The following ERC2 variants were observed in gnomAD, a reference collection of about 807,000 sequenced individuals.
ERC2 encodes the protein ELKS/RAB6-interacting/CAST family member 2.
In ERC2, 42 loss-of-function variants were observed where a neutral mutation model predicts 114.8. The ratio of observed to expected loss-of-function variants is 0.37; its 90% CI spans 0.29 to 0.47. The LOEUF is 0.47. ERC2 is among the 20% of genes least tolerant of loss of function. ERC2 has a pLI of 0.99. For missense variants in ERC2, 939 were observed against 1,150.7 expected (o/e 0.82, Z 2.66); for synonymous variants, 454 against 425.5 (o/e 1.07, Z -0.82).
chr3:56,257,395 C>T (rs1313294833), intron 3 of ERC2, among the ~76,000 whole-genome samples: 1 of 152,196 alleles, frequency 6.6e-6, no homozygotes, highest in Non-Finnish European at 1.5e-5. Context: ...GGATGGCAAG[C>T]TTGAGAACCA....
intron 10 of ERC2, among the ~76,000 whole-genome samples, chr3:55,999,825 A>G (rs866040977): frequency 2.0e-5 from 3 of 151,572 alleles, no homozygotes; most frequent in Non-Finnish European, 2.9e-5. Context: ...GATTAAATAT[A>G]TTTAAAATTA....
At chr3:56,051,670 A>G (rs1236995178) in intron 7 of ERC2, among the ~76,000 whole-genome samples, 2 of 152,084 alleles carry the variant, frequency 1.3e-5, no homozygotes, top group African/African-American at 2.4e-5. Flanking sequence ...TACTTAAAAT[A>G]CAAAAATTAG....
intron 2 of ERC2, among the ~76,000 whole-genome samples, chr3:56,384,915 C>G (rs1267674612): frequency 1.3e-5 from 2 of 152,014 alleles, no homozygotes; most frequent in Non-Finnish European, 2.9e-5. Flanking sequence ...TCCAGTTTTT[C>G]CAACAACAGT....
At chr3:55,959,300 A>G (rs985542353) in intron 12 of ERC2, among the ~76,000 whole-genome samples, 1 of 152,208 alleles carries the variant, frequency 6.6e-6, no homozygotes, top group African/African-American at 2.4e-5. Flanking sequence ...ATTCTCCCGT[A>G]TTCTGACCCT....
At chr3:56,336,950 T>C (rs1032124355) in intron 2 of ERC2, among the ~76,000 whole-genome samples, 3 of 152,206 alleles carry the variant, frequency 2.0e-5, no homozygotes, top group Admixed American at 6.5e-5. Context: ...AAATCAATTG[T>C]AACCTAACTC....
chr3:55,925,141 T>C (rs2149390826), intron 13 of ERC2, among the ~76,000 whole-genome samples: 1 of 152,294 alleles, frequency 6.6e-6, no homozygotes, highest in East Asian at 1.9e-4. Context: ...TGGATCTATT[T>C]AGTGTTACCA....
rs34868223 is a variant in ERC2 at position 56,246,093 on chromosome 3, T to TA, written c.1074+49925dup. ...ATCATCAGTTTTTCCTCAGATTCTT[T>TA]AAAAAAAAAAAAAAAAAAAAAACTC... On this transcript the variant is annotated intron_variant, in intron 3 of 17. Coordinates refer to ENST00000288221, the MANE Select transcript of ERC2 (RefSeq NM_015576.3). Among the ~76,000 whole-genome samples the TA allele has an allele frequency of 9.6e-3, 1,225 of 127,584 alleles. 7 individuals are homozygous for TA. Among genetic ancestry groups the TA allele is most frequent in the Middle Eastern group, 0.044 (11 of 252 alleles). 83.7% of individuals were successfully genotyped at this position (127,584 alleles called of 152,430 possible). A position where few individuals can be genotyped will look rare whatever the true frequency, so the allele number is the denominator to read the frequency against.
chr3:55,996,285 C>T (rs2071504600), intron 10 of ERC2, among the ~76,000 whole-genome samples: 1 of 152,182 alleles, frequency 6.6e-6, no homozygotes, highest in Admixed American at 6.5e-5. Flanking sequence ...CTTAAAAACA[C>T]AAATTGGTGT....
At chr3:56,395,361 C>A (rs1371929393) in intron 2 of ERC2, among the ~76,000 whole-genome samples, 1 of 152,084 alleles carries the variant, frequency 6.6e-6, no homozygotes, top group Non-Finnish European at 1.5e-5. Flanking sequence ...TCTTTAGGTA[C>A]CTTATCTCCA....
chr3:55,650,618 A>G (rs1306657799), intron 17 of ERC2, among the ~76,000 whole-genome samples: 2 of 152,158 alleles, frequency 1.3e-5, no homozygotes, highest in Non-Finnish European at 2.9e-5. Context: ...AGTATTGTTT[A>G]TTGCTTCATA....
Position 56,010,731 on chromosome 3 carries a change from C to T in ERC2, c.1780-142G>A, listed in dbSNP as rs577629473. The T allele has an allele frequency of 1.3e-3, 1,200 of 937,972 alleles. 7 individuals are homozygous for T. The highest frequency in any genetic ancestry group is 0.01 in the Middle Eastern group (43 of 4,156). 58.1% of individuals were successfully genotyped at this position (937,972 alleles called of 1,614,324 possible). ...CACACAAGAAAATCAAAATTGGATT[C>T]GTGGGGAGGCTGTGCATAACAGCAC... On this transcript the variant is annotated intron_variant, in intron 8 of 17. Coordinates refer to ENST00000288221, the MANE Select transcript of ERC2 (RefSeq NM_015576.3).
chr3:56,462,309 G>A (rs1172646674), intron 1 of ERC2, among the ~76,000 whole-genome samples: 1 of 152,108 alleles, frequency 6.6e-6, no homozygotes, highest in Non-Finnish European at 1.5e-5. Context: ...ATGATCATAG[G>A]TTAACAGCAA....
chr3:55,653,986 C>T (rs1206233369), intron 17 of ERC2, among the ~76,000 whole-genome samples: 1 of 152,180 alleles, frequency 6.6e-6, no homozygotes, highest in Non-Finnish European at 1.5e-5. Context: ...CTCCTCATTC[C>T]TGGTTACATA....
chr3:55,991,973 T>C, intron 11 of ERC2, 84 bp downstream of exon 11: 1 of 1,231,372 alleles, frequency 8.1e-7, no homozygotes, highest in Non-Finnish European at 1.2e-6. Flanking sequence ...GAATGTACAG[T>C]CCAAATCCAC....
At chr3:56,134,595 A>G (rs1260647692) in intron 6 of ERC2, among the ~76,000 whole-genome samples, 1 of 152,112 alleles carries the variant, frequency 6.6e-6, no homozygotes, top group African/African-American at 2.4e-5. Context: ...GTTTAATTGC[A>G]TAAGATTCTC....
At chr3:56,274,914 T>C (rs1201677294) in intron 3 of ERC2, among the ~76,000 whole-genome samples, 1 of 152,206 alleles carries the variant, frequency 6.6e-6, no homozygotes, top group African/African-American at 2.4e-5. Context: ...ACCAAAAATG[T>C]TTCTAATGGT....
At chr3:55,892,184 C>G (rs2063642612) in intron 13 of ERC2, among the ~76,000 whole-genome samples, 2 of 152,252 alleles carry the variant, frequency 1.3e-5, no homozygotes, top group Middle Eastern at 3.4e-3. Flanking sequence ...CTTCTGATAT[C>G]AAGAAATTAA....
At chr3:55,701,360 G>T (rs1240124202) in intron 15 of ERC2, among the ~76,000 whole-genome samples, 1 of 151,892 alleles carries the variant, frequency 6.6e-6, no homozygotes, top group Non-Finnish European at 1.5e-5. Flanking sequence ...TTTTTTCCTT[G>T]TCTTGCTGCT....
intron 2 of ERC2, among the ~76,000 whole-genome samples, chr3:56,377,058 TC>T (rs1309230812): frequency 6.6e-6 from 1 of 152,120 alleles, no homozygotes; most frequent in African/African-American, 2.4e-5. Context: ...CATGCTTAAC[TC>T]AATGAACTGT....
Sources: gnomAD v4.1 joint callset for allele counts (sites outside exome capture counted in the v4.1 genomes callset) on GRCh38, gnomAD v4.1.1 for gene constraint, MANE v1.5 for transcripts, NCBI Gene and HGNC (gene_info 2026-07-23, HGNC 2026-07-21) for gene names.